The following SH3GL2 variants were observed in gnomAD, a reference collection of about 807,000 sequenced individuals.
SH3GL2 encodes the protein endophilin-A1.
In SH3GL2, 24 loss-of-function variants were observed where a neutral mutation model predicts 46.0. That is an observed-to-expected ratio of 0.52 (90% CI 0.38 to 0.73). The LOEUF is 0.73. SH3GL2 is among the 30% of genes least tolerant of loss of function. The pLI, the probability that SH3GL2 is intolerant of heterozygous loss-of-function variation, is 0.00. For synonymous variants in SH3GL2, 196 were observed against 147.1 expected, an observed-to-expected ratio of 1.33 and a Z score of -2.40; for missense variants, 413 against 424.2, an observed-to-expected ratio of 0.97 and a Z score of 0.23.
chr9:17,740,006 T>C (rs1460051259), intron 1 of SH3GL2, among the ~76,000 whole-genome samples: 3 of 152,148 alleles, frequency 2.0e-5, no homozygotes, highest in African/African-American at 7.2e-5. Context: ...CTCAAACTCA[T>C]TTTAAAGTTT....
chr9:17,622,812 TG>T (rs1819174755), intron 1 of SH3GL2, among the ~76,000 whole-genome samples: 2 of 152,110 alleles, frequency 1.3e-5, no homozygotes, highest in Non-Finnish European at 2.9e-5. Flanking sequence ...GTCACTCCGT[TG>T]GCAGGGTATG....
Position 17,769,277 on chromosome 9 carries a change from G to A in SH3GL2, c.187+7768G>A, listed in dbSNP as rs116657120. On this transcript the variant is annotated intron_variant, in intron 3 of 8. Transcript: ENST00000380607. ...CAGTGACGCAGTGACTTGAGCACAG[G>A]ATTGTTTGTACACTGCAAAGAGCCC... Among the ~76,000 whole-genome samples, 567 of 152,280 alleles carry A rather than the reference G, an allele frequency of 3.7e-3. 4 individuals are homozygous for A. Among genetic ancestry groups the A allele is most frequent in the African/African-American group, 0.013 (547 of 41,568 alleles).
intron 1 of SH3GL2, among the ~76,000 whole-genome samples, chr9:17,686,935 A>G (rs10963209): frequency 0.41 from 61,061 of 148,452 alleles, 12,853 homozygotes; most frequent in South Asian, 0.58. Flanking sequence ...AACTTAAAGT[A>G]TAATTAAAAA....
chr9:17,606,031 G>A (rs549255948), intron 1 of SH3GL2, among the ~76,000 whole-genome samples: 1 of 152,194 alleles, frequency 6.6e-6, no homozygotes, highest in South Asian at 2.1e-4. Flanking sequence ...TTTTCAAGTA[G>A]TCTCATTCTA....
chr9:17,692,206 G>A (rs989793988), intron 1 of SH3GL2, among the ~76,000 whole-genome samples: 1 of 151,864 alleles, frequency 6.6e-6, no homozygotes, highest in African/African-American at 2.4e-5. Context: ...GGATATGGGG[G>A]ACAGCAAGGT....
At chr9:17,623,866 T>G (rs1315160299) in intron 1 of SH3GL2, among the ~76,000 whole-genome samples, 4 of 152,130 alleles carry the variant, frequency 2.6e-5, no homozygotes, top group African/African-American at 9.7e-5. Context: ...CGCAGCACTA[T>G]TATCAACTTG....
At chr9:17,649,568 G>T (rs9407826) in intron 1 of SH3GL2, among the ~76,000 whole-genome samples, 140,028 of 152,232 alleles carry the variant, frequency 0.92, 65,415 homozygotes, top group East Asian at 1. Context: ...ACCACAAAAC[G>T]TATTTTCTGT....
At chr9:17,761,949 G>C (rs887941401) in intron 3 of SH3GL2, among the ~76,000 whole-genome samples, 10 of 152,276 alleles carry the variant, frequency 6.6e-5, no homozygotes, top group African/African-American at 2.4e-4. Flanking sequence ...CATCACCAAA[G>C]TCTTCAGAGC....
intron 1 of SH3GL2, among the ~76,000 whole-genome samples, chr9:17,629,388 A>G (rs1203715037): frequency 6.6e-6 from 1 of 152,214 alleles, no homozygotes; most frequent in Admixed American, 6.5e-5. Context: ...TCTTTTTTAT[A>G]ATGAAGTCTC....
chr9:17,774,675 T>C (rs1320423877), intron 3 of SH3GL2, among the ~76,000 whole-genome samples: 1 of 152,118 alleles, frequency 6.6e-6, no homozygotes, highest in Non-Finnish European at 1.5e-5. Context: ...TTTTAAAATA[T>C]GCTGTTGAAT....
At chr9:17,581,924 C>T (rs969083008) in intron 1 of SH3GL2, among the ~76,000 whole-genome samples, 2 of 152,156 alleles carry the variant, frequency 1.3e-5, no homozygotes, top group Non-Finnish European at 1.5e-5. Context: ...GTCTCGAACT[C>T]CTGACCTCAG....
At chr9:17,645,824 C>A (rs189340991) in intron 1 of SH3GL2, among the ~76,000 whole-genome samples, 85 of 152,144 alleles carry the variant, frequency 5.6e-4, no homozygotes, top group African/African-American at 1.9e-3. Flanking sequence ...TCATTTCAAC[C>A]TTGGTGAATC....
At chr9:17,729,936 T>C (rs1822126795) in intron 1 of SH3GL2, among the ~76,000 whole-genome samples, 2 of 151,948 alleles carry the variant, frequency 1.3e-5, no homozygotes, top group South Asian at 2.1e-4. Context: ...TTGTCTTGGC[T>C]ATACGGGCTC....
At chr9:17,677,074 T>G (rs951219025) in intron 1 of SH3GL2, among the ~76,000 whole-genome samples, 5 of 152,158 alleles carry the variant, frequency 3.3e-5, no homozygotes, top group African/African-American at 7.2e-5. Context: ...CCATCACGCC[T>G]GCAGTCACTC....
At chr9:17,621,774 G>T (rs1313172461) in intron 1 of SH3GL2, among the ~76,000 whole-genome samples, 2 of 152,114 alleles carry the variant, frequency 1.3e-5, no homozygotes, top group East Asian at 3.9e-4. Context: ...GCCATTACAT[G>T]GATCACTCAG....
chr9:17,735,578 G>T (rs1822309831), intron 1 of SH3GL2: 1 of 152,832 alleles, frequency 6.5e-6, no homozygotes, highest in Admixed American at 6.6e-5. Context: ...CCCTGCCTAT[G>T]CAGAGGACCA....
At chr9:17,666,350 GA>G (rs1820340493) in intron 1 of SH3GL2, among the ~76,000 whole-genome samples, 1 of 151,972 alleles carries the variant, frequency 6.6e-6, no homozygotes, top group South Asian at 2.1e-4. Context: ...TTTCAAAAAT[GA>G]AAGATGTCCC....
chr9:17,787,314 G>C (rs780576547), intron 4 of SH3GL2, 66 bp from the exon 5 acceptor site: 25 of 1,333,568 alleles, frequency 1.9e-5, no homozygotes, highest in African/African-American at 7.3e-5. Context: ...ATCTGTGAAG[G>C]GCCCTGTTAT....
chr9:17,606,084 G>GGTTTGTTT (rs4007673), intron 1 of SH3GL2, among the ~76,000 whole-genome samples: 23 of 145,518 alleles, frequency 1.6e-4, no homozygotes, highest in South Asian at 8.4e-4. Flanking sequence ...ACTTGCGTGA[G>GGTTTGTTT]GTTTGTTTGT....
Sources: allele counts gnomAD v4.1 joint callset (sites outside exome capture counted in the v4.1 genomes callset), GRCh38; gene constraint gnomAD v4.1.1; transcripts MANE v1.5; gene names NCBI Gene and HGNC (gene_info 2026-07-23, HGNC 2026-07-21).